Variants in TTF2 observed in about 807,000 individuals in gnomAD.
TTF2 encodes the protein transcription termination factor 2, also known as RNA polymerase II termination factor.
In TTF2, 108 loss-of-function variants were observed where a neutral mutation model predicts 142.4. That is an observed-to-expected ratio of 0.76 (90% CI 0.65 to 0.89). The LOEUF is 0.89. Among genes scored for constraint, TTF2 ranks in the 40% least tolerant of loss-of-function variants. TTF2 has a pLI of 0.00. For synonymous variants in TTF2, 483 were observed against 506.2 expected (o/e 0.95, Z 0.61); for missense variants, 1,327 against 1,379.8 (o/e 0.96, Z 0.61).
At position 117,063,685 on chromosome 1, in the gene TTF2, G is replaced by T. The variant is rs778150324; in HGVS notation, c.218+1212G>T. Among the ~76,000 whole-genome samples the T allele has an allele frequency of 1.3e-5, 2 of 151,312 alleles. No individual in the cohort carries two copies. Among genetic ancestry groups the T allele is most frequent in the Non-Finnish European group, 3.0e-5 (2 of 67,794 alleles). On this transcript the variant is annotated intron_variant, in intron 3 of 22. Transcript: ENST00000369466. This position sits in a 1 kb window ranked among gnomAD's most constrained non-coding sequence, Gnocchi z 4.1. ...GTTTAAATATTTTATCCTTTTTTTTGCATTGAAATTTTTATCAAGTAGTTT... is the reference window on the plus strand; with the variant it reads ...GTTTAAATATTTTATCCTTTTTTTTTCATTGAAATTTTTATCAAGTAGTTT...
chr1:117,089,260 CTATATATA>C lies in TTF2; in HGVS notation c.2342+288_2342+295del, dbSNP rs10524337. On this transcript the variant is annotated intron_variant, in intron 13 of 22. Transcript: ENST00000369466. ...TATGCAAAATATATGCAAATATATG[CTATATATA>C]TATATATATGCAAAAATTATTCTTA... Among the ~76,000 whole-genome samples the C allele has an allele frequency of 7.3e-5, 10 of 137,534 alleles. 1 individual carries two copies. Among genetic ancestry groups the C allele is most frequent in the East Asian group, 4.0e-4 (2 of 5,050 alleles). The allele number at this position is 137,534 out of a possible 152,430, so 90.2% of individuals were successfully genotyped here. A position where few individuals can be genotyped will look rare whatever the true frequency, so the allele number is the denominator to read the frequency against.
At position 117,076,841 on chromosome 1, in the gene TTF2, G is replaced by C. The variant is rs749005359; in HGVS notation, c.1573+18G>C. On this transcript the variant is annotated intron_variant, in intron 7 of 22. Coordinates refer to ENST00000369466, the MANE Select transcript of TTF2 (RefSeq NM_003594.4). The surrounding 1 kb of genome is among the most constrained non-coding windows in gnomAD (Gnocchi z 4.6). ...CTATCGAGGTAAGACCCAAGGGCCT[G>C]ACCCTGCTGTGAATAGCCACCCCTG... is the stretch of plus-strand genomic sequence containing the variant. 20 of 1,593,532 alleles carry C rather than the reference G, an allele frequency of 1.3e-5. No homozygotes were observed. The highest frequency in any genetic ancestry group is 1.7e-5 in the Non-Finnish European group (20 of 1,168,594).
chr1:117,098,920 C>A lies in TTF2; in HGVS notation c.3344+13C>A. On this transcript the variant is annotated intron_variant, in intron 22 of 22. Transcript: ENST00000369466. ...TTGTCATACACAGGTAAGTAATGGT[C>A]CCCAGGACCCAGGACCCTTCTCAAC... is the stretch of plus-strand genomic sequence containing the variant. 1.2e-6 allele frequency: 2 copies of A among 1,609,202 alleles called. No homozygotes were observed. The highest frequency in any genetic ancestry group is 2.2e-5 in the South Asian group (2 of 90,452).
At chr1:117,089,803 A>C (rs1648403557) in intron 13 of TTF2, among the ~76,000 whole-genome samples, 1 of 152,144 alleles carries the variant, frequency 6.6e-6, no homozygotes, top group South Asian at 2.1e-4. Context: ...GCTGTTGGTT[A>C]TATGTCTTGT....
In TTF2 at chr1:117,102,739, C is replaced by CCAATCCAATACTAATAATACTATTGGTA. The variant is rs1290149590; in HGVS notation, c.*1266_*1293dup. On this transcript the variant is annotated 3_prime_UTR_variant, in exon 23 of 23. Coordinates refer to ENST00000369466, the MANE Select transcript of TTF2 (RefSeq NM_003594.4). ...AATACTAATCCAGTCCAATACTAAT[C>CCAATCCAATACTAATAATACTATTGGTA]CAATCCAATACTAATAATACTATTG... The CCAATCCAATACTAATAATACTATTGGTA allele has an allele frequency of 3.2e-4, 48 of 151,956 alleles. No homozygotes were observed. The highest frequency in any genetic ancestry group is 3.5e-3 in the Middle Eastern group (1 of 288). 9.4% of individuals were successfully genotyped at this position (151,956 alleles called of 1,614,324 possible).
At chr1:117,071,745 G>T (rs1165079059) in intron 3 of TTF2, among the ~76,000 whole-genome samples, 1 of 152,084 alleles carries the variant, frequency 6.6e-6, no homozygotes, top group Non-Finnish European at 1.5e-5. Flanking sequence ...CGTACAACAG[G>T]CAAGTCATAG....
At chr1:117,066,540 G>C (rs1476242250) in intron 3 of TTF2, among the ~76,000 whole-genome samples, 2 of 152,206 alleles carry the variant, frequency 1.3e-5, no homozygotes, top group South Asian at 2.1e-4. Context: ...GCCTCGGTCT[G>C]GTGTTTGGCA....
chr1:117,060,647 C>A, intron 2 of TTF2, 90 bp downstream of exon 2: 1 of 1,335,202 alleles, frequency 7.5e-7, no homozygotes, highest in Non-Finnish European at 1.0e-6. Context: ...GTCACAGGGC[C>A]GAGGAGTGGT....
chr1:117,100,843 T>C lies in TTF2; in HGVS notation c.3345-537T>C, dbSNP rs543037488. On this transcript the variant is annotated intron_variant, in intron 22 of 22. Coordinates refer to ENST00000369466, the MANE Select transcript of TTF2 (RefSeq NM_003594.4). This position sits in a 1 kb window ranked among gnomAD's most constrained non-coding sequence, Gnocchi z 4.6. ...ATTATTGTTTATTTTCATGTTTGTC[T>C]CGCTTTTGTTCTGCTTTGGAGCAAG... 6.6e-6 allele frequency among the ~76,000 whole-genome samples: 1 copy of C among 152,360 alleles called. No individual in the cohort carries two copies. Among genetic ancestry groups the C allele is most frequent in the South Asian group, 2.1e-4 (1 of 4,830 alleles).
chr1:117,072,009 G>A (rs1245894739), intron 3 of TTF2, among the ~76,000 whole-genome samples: 2 of 152,178 alleles, frequency 1.3e-5, no homozygotes, highest in African/African-American at 4.8e-5. Flanking sequence ...CGTAGCTGGA[G>A]ATGGGGGAGA....
At chr1:117,091,991 A>T (rs1453668570) in intron 17 of TTF2, 41 bp downstream of exon 17, 1 of 1,557,558 alleles carries the variant, frequency 6.4e-7, no homozygotes, top group Non-Finnish European at 8.7e-7. Flanking sequence ...AGTGCTCCAG[A>T]GGGGCCACCT....
chr1:117,060,431 T>A, intron 1 of TTF2, 24 bp from the exon 2 acceptor site: 2 of 1,611,172 alleles, frequency 1.2e-6, no homozygotes, highest in South Asian at 2.2e-5. Context: ...GGCGTAATCG[T>A]TGTTCACTTT....
In TTF2 at chr1:117,076,045, A is replaced by G. The variant is rs1656983349; in HGVS notation, c.1276-135A>G. ...GTAAGCCAGCTGGGTTAAAATTTAAAAAAGGTTCTGGTTTTTGCACACATA... is the reference window on the plus strand; with the variant it reads ...GTAAGCCAGCTGGGTTAAAATTTAAGAAAGGTTCTGGTTTTTGCACACATA... On this transcript the variant is annotated intron_variant, in intron 5 of 22. Coordinates refer to ENST00000369466, the MANE Select transcript of TTF2 (RefSeq NM_003594.4). The surrounding 1 kb of genome is among the most constrained non-coding windows in gnomAD (Gnocchi z 4.6). 2 of 1,304,536 alleles carry G rather than the reference A, an allele frequency of 1.5e-6. No individual in the cohort carries two copies. The highest frequency in any genetic ancestry group is 1.5e-5 in the African/African-American group (1 of 67,168). 80.8% of individuals were successfully genotyped at this position (1,304,536 alleles called of 1,614,324 possible).
rs1177455115 is a variant in TTF2, at chr1:117,088,948, C to G, written c.2308C>G (p.Gln770Glu). 6.2e-7 allele frequency: 1 copy of G among 1,613,048 alleles called. No individual in the cohort carries two copies. The highest frequency in any genetic ancestry group is 2.2e-5 in the East Asian group (1 of 44,842). ...ARWAVTGTPI[Q>E]NNLLDMYSLL... ...TTGGGCTGTCACTGGAACCCCCATT[C>G]AAAACAACTTATTGGATATGTATTC... The change falls in exon 13 of 23, where the codon CAA becomes GAA. Residue 770 changes from glutamine to glutamate, a missense_variant. Transcript: ENST00000369466.
chr1:117,090,314 T>G lies in TTF2; in HGVS notation c.2496+106T>G. Reference sequence around the variant, plus strand: ...TGCTTTGCTTCAGGAGCCTCTGAGTTTCCCATCCTCCTGTGAGGAGGCCCC... The same window carrying G: ...TGCTTTGCTTCAGGAGCCTCTGAGTGTCCCATCCTCCTGTGAGGAGGCCCC... On this transcript the variant is annotated intron_variant, in intron 14 of 22. Coordinates refer to ENST00000369466, the MANE Select transcript of TTF2 (RefSeq NM_003594.4). The surrounding 1 kb of genome is among the most constrained non-coding windows in gnomAD (Gnocchi z 4.8). 6.8e-7 allele frequency: 1 copy of G among 1,473,932 alleles called. No individual in the cohort carries two copies. The highest frequency in any genetic ancestry group is 9.2e-7 in the Non-Finnish European group (1 of 1,091,292). 91.3% of individuals were successfully genotyped at this position (1,473,932 alleles called of 1,614,324 possible).
At position 117,102,655 on chromosome 1, in the gene TTF2, T is replaced by G. The variant is rs1649676265; in HGVS notation, c.*1131T>G. 1 of 152,240 alleles carries G rather than the reference T, an allele frequency of 6.6e-6. No individual in the cohort carries two copies. The highest frequency in any genetic ancestry group is 1.5e-5 in the Non-Finnish European group (1 of 68,038). 9.4% of individuals were successfully genotyped at this position (152,240 alleles called of 1,614,324 possible). On this transcript the variant is annotated 3_prime_UTR_variant, in exon 23 of 23. Transcript: ENST00000369466. ...TAATAGTATTTGTATTTTTACAAAT[T>G]TGCAGTATTTGTAGCATTTAGTATC...
chr1:117,084,282 C>A, intron 11 of TTF2, 114 bp downstream of exon 11: 1 of 1,330,290 alleles, frequency 7.5e-7, no homozygotes, highest in Non-Finnish European at 1.0e-6. Context: ...TTTGTGAAAG[C>A]CAAAGACAGA....
intron 7 of TTF2, 21 bp from the exon 8 acceptor site, chr1:117,077,895 G>A: frequency 6.2e-7 from 1 of 1,613,502 alleles, no homozygotes; most frequent in Non-Finnish European, 8.5e-7. Context: ...CATCTTTTAG[G>A]TAACACCTAT....
intron 19 of TTF2, 62 bp downstream of exon 19, chr1:117,095,429 C>A: frequency 6.7e-7 from 1 of 1,498,366 alleles, no homozygotes; most frequent in Non-Finnish European, 9.3e-7. Context: ...TTTGATATTG[C>A]CAAGAGTTAT....
Sources: gnomAD v4.1 joint callset for allele counts (sites outside exome capture counted in the v4.1 genomes callset) on GRCh38, gnomAD v4.1.1 for gene constraint, Gnocchi (gnomAD v3.1) non-coding constraint, MANE v1.5 for transcripts, NCBI Gene and HGNC (gene_info 2026-07-23, HGNC 2026-07-21) for gene names.